LRP1B: variants seen among roughly 807,000 people sequenced by gnomAD.
LRP1B encodes LDL receptor related protein 1B, also known as low-density lipoprotein receptor-related protein 1B.
In LRP1B, 217 loss-of-function variants were observed where a neutral mutation model predicts 556.6. That is an observed-to-expected ratio of 0.39 (90% CI 0.35 to 0.44). The LOEUF is 0.44. LRP1B is among the 20% of genes least tolerant of loss of function. The pLI, the probability that LRP1B is intolerant of heterozygous loss-of-function variation, is 1.00. For synonymous variants in LRP1B, 2,047 were observed against 1,865.8 expected (o/e 1.10, Z -2.50); for missense variants, 5,053 against 5,620.8 (o/e 0.90, Z 3.23).
At chr2:140,303,880 A>G (rs868116730) in intron 83 of LRP1B, among the ~76,000 whole-genome samples, 7 of 151,696 alleles carry the variant, frequency 4.6e-5, no homozygotes, top group Non-Finnish European at 7.4e-5. Context: ...TCATTGTTCA[A>G]TTCCCACCTA....
chr2:141,701,088 CT>C (rs1274920868), intron 2 of LRP1B, among the ~76,000 whole-genome samples: 1 of 151,862 alleles, frequency 6.6e-6, no homozygotes, highest in African/African-American at 2.4e-5. Flanking sequence ...GATTGGACTA[CT>C]GCCTTCCCTG....
In LRP1B at chr2:140,234,863, G is replaced by A. The variant is rs1209727784; in HGVS notation, c.13582C>T (p.Pro4528Ser). 1 of 775,104 alleles carries A rather than the reference G, an allele frequency of 1.3e-6. No homozygotes were observed. Among genetic ancestry groups the A allele is most frequent in the African/African-American group, 1.7e-5 (1 of 58,666 alleles). The allele number at this position is 775,104 out of a possible 1,614,324, so 48.0% of individuals were successfully genotyped here. A position where few individuals can be genotyped will look rare whatever the true frequency, so the allele number is the denominator to read the frequency against. The stretch of plus-strand genomic sequence containing the variant: ...GTGTGTGGAAGCTTGAAAGCACTGG[G>A]TCCTCCCCCTATGTACCTGGCCTGT... ...PTKARYIGGG[P>S]SAFKLPHTAP... The change falls in exon 90 of 91, where the codon CCC becomes TCC. Residue 4528 changes from proline (P) to serine (S), a missense_variant. Pro to Ser is a moderately conservative substitution (Grantham distance 74, BLOSUM62 -1). Coordinates refer to ENST00000389484, the MANE Select transcript of LRP1B (RefSeq NM_018557.3).
chr2:141,383,055 G>A (rs1689696970), intron 3 of LRP1B, among the ~76,000 whole-genome samples: 1 of 152,064 alleles, frequency 6.6e-6, no homozygotes, highest in South Asian at 2.1e-4. Context: ...TTTAAAATAG[G>A]CAAAGAATAT....
chr2:142,013,572 A>T (rs951418028), intron 1 of LRP1B, among the ~76,000 whole-genome samples: 1 of 152,162 alleles, frequency 6.6e-6, no homozygotes, highest in Non-Finnish European at 1.5e-5. Context: ...CAGAAAAAAA[A>T]AATAAGTCAC....
chr2:140,398,098 G>T (rs11900092), intron 66 of LRP1B, among the ~76,000 whole-genome samples: 11,210 of 152,100 alleles, frequency 0.074, 676 homozygotes, highest in African/African-American at 0.17. Context: ...TGAATAGGAA[G>T]AACCATATTC....
chr2:141,611,214 A>G (rs1292179891), intron 2 of LRP1B, among the ~76,000 whole-genome samples: 1 of 152,232 alleles, frequency 6.6e-6, no homozygotes, highest in Non-Finnish European at 1.5e-5. Context: ...AGAGTGAGCC[A>G]AATGTGAAAG....
chr2:140,816,625 C>T (rs1035256853), intron 31 of LRP1B, among the ~76,000 whole-genome samples: 5 of 152,040 alleles, frequency 3.3e-5, no homozygotes, highest in Admixed American at 1.3e-4. Context: ...GCATATGATG[C>T]ATATCACATA....
At chr2:141,263,030 G>A (rs1484543801) in intron 3 of LRP1B, among the ~76,000 whole-genome samples, 5 of 151,550 alleles carry the variant, frequency 3.3e-5, no homozygotes, top group Non-Finnish European at 5.9e-5. Context: ...AAATATGGTA[G>A]GTATATATGC....
intron 31 of LRP1B, among the ~76,000 whole-genome samples, chr2:140,815,600 A>T (rs1002994477): frequency 1.3e-5 from 2 of 152,168 alleles, no homozygotes; most frequent in Admixed American, 6.5e-5. Flanking sequence ...CTGTGTTTCT[A>T]ACTAAATTCT....
At chr2:140,571,231 A>T (rs902029422) in intron 43 of LRP1B, among the ~76,000 whole-genome samples, 2 of 151,744 alleles carry the variant, frequency 1.3e-5, no homozygotes, top group African/African-American at 4.8e-5. Flanking sequence ...GTCCCTGTGC[A>T]TAGACAACAT....
chr2:141,311,662 A>G (rs1686819971), intron 3 of LRP1B, among the ~76,000 whole-genome samples: 1 of 152,080 alleles, frequency 6.6e-6, no homozygotes. Context: ...AGGAAGAGAG[A>G]TCTGAGTTGA....
chr2:142,063,820 G>A (rs1401556071), intron 1 of LRP1B, among the ~76,000 whole-genome samples: 4 of 151,512 alleles, frequency 2.6e-5, no homozygotes, highest in Admixed American at 6.6e-5. Context: ...ATCGTCATAC[G>A]AAAGTAAAGA....
intron 46 of LRP1B, among the ~76,000 whole-genome samples, chr2:140,535,583 A>T (rs1225852346): frequency 6.6e-6 from 1 of 152,150 alleles, no homozygotes; most frequent in Non-Finnish European, 1.5e-5. Flanking sequence ...AGAAAAGCAG[A>T]TATAAAATGA....
intron 29 of LRP1B, among the ~76,000 whole-genome samples, chr2:140,848,055 A>C (rs1029489069): frequency 6.6e-6 from 1 of 152,102 alleles, no homozygotes. Flanking sequence ...TATAATTCAC[A>C]GAGCCTTTTG....
chr2:141,064,629 T>C (rs1314273889), intron 7 of LRP1B, among the ~76,000 whole-genome samples: 2 of 151,854 alleles, frequency 1.3e-5, no homozygotes, highest in Non-Finnish European at 2.9e-5. Flanking sequence ...TAAGGAATAA[T>C]AGCAATATGA....
chr2:141,383,298 T>C (rs751962270), intron 3 of LRP1B, among the ~76,000 whole-genome samples: 3 of 152,134 alleles, frequency 2.0e-5, no homozygotes, highest in Non-Finnish European at 2.9e-5. Context: ...GAAAACAGTA[T>C]AGAGGCTCCT....
At chr2:141,729,248 A>G (rs1693170443) in intron 2 of LRP1B, among the ~76,000 whole-genome samples, 1 of 152,142 alleles carries the variant, frequency 6.6e-6, no homozygotes, top group Non-Finnish European at 1.5e-5. Context: ...CCTTGGGGGC[A>G]TCAGCCAGAC....
intron 35 of LRP1B, among the ~76,000 whole-genome samples, chr2:140,718,102 A>T (rs1339242006): frequency 6.6e-6 from 1 of 152,074 alleles, no homozygotes; most frequent in African/African-American, 2.4e-5. Context: ...TTTCTTCCCT[A>T]AACATTAGAC....
intron 89 of LRP1B, 60 bp from the exon 90 acceptor site, chr2:140,234,944 A>C: frequency 1.4e-6 from 1 of 719,622 alleles, no homozygotes; most frequent in Non-Finnish European, 2.6e-6. Flanking sequence ...CTTTTCATCG[A>C]TACATATCAT....
Sources: gnomAD v4.1 joint callset for allele counts (sites outside exome capture counted in the v4.1 genomes callset) on GRCh38, gnomAD v4.1.1 for gene constraint, MANE v1.5 for transcripts, NCBI Gene and HGNC (gene_info 2026-07-23, HGNC 2026-07-21) for gene names.